The following MED25 variants were observed in gnomAD, a reference collection of about 807,000 sequenced individuals.
MED25 encodes mediator complex subunit 25, also known as mediator of RNA polymerase II transcription subunit 25.
MED25 carries 62 observed loss-of-function variants against 89.4 expected under a neutral mutation model. The observed-to-expected ratio is 0.69, with a 90% CI of 0.57 to 0.86. The LOEUF (loss-of-function observed/expected upper bound fraction) is 0.86, where lower values mean the gene tolerates loss of function less well. Ranked by LOEUF, MED25 falls within the 40% of genes least tolerant of loss-of-function variation. The pLI is 0.00. For synonymous variants in MED25, 449 were observed against 427.9 expected (o/e 1.05, Z -0.61); for missense variants, 905 against 1,005.2 (o/e 0.90, Z 1.35).
In MED25 at chr19:49,832,098, A is replaced by G. The variant is rs2074062110; in HGVS notation, c.1317-2A>G. 1.2e-6 allele frequency: 2 copies of G among 1,613,512 alleles called. No individual in the cohort carries two copies. Among genetic ancestry groups the G allele is most frequent in the African/African-American group, 1.3e-5 (1 of 74,992 alleles). On this transcript the variant is annotated splice_acceptor_variant, in intron 11 of 17. Coordinates refer to ENST00000312865, the MANE Select transcript of MED25 (RefSeq NM_030973.4). LOFTEE classifies it high-confidence loss of function. Reference sequence around the variant, plus strand: ...TCACACCTCTCCTGGCATCGCCCCCAGGAAGACGGAGCAGTGGCCCCAGAA... The same window carrying G: ...TCACACCTCTCCTGGCATCGCCCCCGGGAAGACGGAGCAGTGGCCCCAGAA...
intron 3 of MED25, chr19:49,819,539 T>G: frequency 3.9e-6 from 2 of 507,048 alleles, no homozygotes; most frequent in Non-Finnish European, 3.6e-6. Context: ...CATTAAGGGA[T>G]TGAAAGGACT....
chr19:49,819,397 A>G (rs371209072), intron 3 of MED25, 101 bp downstream of exon 3: 28,604 of 429,386 alleles, frequency 0.067, 144 homozygotes, highest in Non-Finnish European at 0.075. Flanking sequence ...GGCTGTGAAT[A>G]AGTGATGGCT....
rs890428247 is a variant in MED25, at chr19:49,831,591, G to C, written c.1230+130G>C. ...TGGAGGCATTCGTTGCGCTGGACCTGTGGGATGCGGGGCGAGGCCAGGAGC... is the reference window on the plus strand; with the variant it reads ...TGGAGGCATTCGTTGCGCTGGACCTCTGGGATGCGGGGCGAGGCCAGGAGC... On this transcript the variant is annotated intron_variant, in intron 10 of 17. Transcript: ENST00000312865. The surrounding 1 kb of genome is among the most constrained non-coding windows in gnomAD (Gnocchi z 5.0). 6 of 1,225,560 alleles carry C rather than the reference G, an allele frequency of 4.9e-6. No homozygotes were observed. In the Admixed American group the frequency reaches 1.0e-4, roughly 21 times the overall value. The allele number at this position is 1,225,560 out of a possible 1,614,324, so 75.9% of individuals were successfully genotyped here.
chr19:49,835,310 C>A lies in MED25; in HGVS notation c.1674+133C>A. On this transcript the variant is annotated intron_variant, in intron 14 of 17. Coordinates refer to ENST00000312865, the MANE Select transcript of MED25 (RefSeq NM_030973.4). The surrounding 1 kb of genome is among the most constrained non-coding windows in gnomAD (Gnocchi z 6.2). ...TGGTGCCTCCAAGCTAAGTCCCACT[C>A]AGATTTTCTTGCAGTCTCTCTCCTT... 9.1e-7 allele frequency: 1 copy of A among 1,099,340 alleles called. No individual in the cohort carries two copies. The allele number at this position is 1,099,340 out of a possible 1,614,324, so 68.1% of individuals were successfully genotyped here.
rs1391546620 is a variant in MED25, at chr19:49,831,766, G to A, written c.1231-170G>A. Among the ~76,000 whole-genome samples the A allele has an allele frequency of 6.6e-6, 1 of 152,098 alleles. No homozygotes were observed. Among genetic ancestry groups the A allele is most frequent in the Non-Finnish European group, 1.5e-5 (1 of 68,008 alleles). On this transcript the variant is annotated intron_variant, in intron 10 of 17. Coordinates refer to ENST00000312865, the MANE Select transcript of MED25 (RefSeq NM_030973.4). This position sits in a 1 kb window ranked among gnomAD's most constrained non-coding sequence, Gnocchi z 5.0. ...GGATTTAGGGGCCGGGCACGTAGCTGTAACATTTGAGGAACTGAAGGCTTG... is the reference window on the plus strand; with the variant it reads ...GGATTTAGGGGCCGGGCACGTAGCTATAACATTTGAGGAACTGAAGGCTTG...
chr19:49,836,544 G>A lies in MED25; in HGVS notation c.2146+138G>A. Reference sequence around the variant, plus strand: ...AGGGTTCCCCCATGGCCTTTGCGGAGCTCTGAGGGCTCCGGGAAAGTACAG... The same window carrying A: ...AGGGTTCCCCCATGGCCTTTGCGGAACTCTGAGGGCTCCGGGAAAGTACAG... On this transcript the variant is annotated intron_variant, in intron 17 of 17. Transcript: ENST00000312865. The surrounding 1 kb of genome is among the most constrained non-coding windows in gnomAD (Gnocchi z 5.1). The A allele has an allele frequency of 2.7e-6, 3 of 1,091,078 alleles. No individual in the cohort carries two copies. Among genetic ancestry groups the A allele is most frequent in the African/African-American group, 1.6e-5 (1 of 64,394 alleles). The allele number at this position is 1,091,078 out of a possible 1,614,324, so 67.6% of individuals were successfully genotyped here. A position where few individuals can be genotyped will look rare whatever the true frequency, so the allele number is the denominator to read the frequency against.
At chr19:49,827,132 CAG>C (rs1432617830) in intron 3 of MED25, among the ~76,000 whole-genome samples, 1 of 152,140 alleles carries the variant, frequency 6.6e-6, no homozygotes, top group African/African-American at 2.4e-5. Flanking sequence ...TCAAGACCCT[CAG>C]AGGGGTGCTC....
In MED25 at chr19:49,835,986, G is replaced by A; in HGVS notation, c.1965+41G>A. 1.2e-6 allele frequency: 2 copies of A among 1,607,784 alleles called. No individual in the cohort carries two copies. Among genetic ancestry groups the A allele is most frequent in the South Asian group, 2.2e-5 (2 of 90,328 alleles). On this transcript the variant is annotated intron_variant, in intron 16 of 17. Coordinates refer to ENST00000312865, the MANE Select transcript of MED25 (RefSeq NM_030973.4). This position sits in a 1 kb window ranked among gnomAD's most constrained non-coding sequence, Gnocchi z 6.2. ...GGGGTAGCGAGAGTTCCAGATCCTG[G>A]CCCTGGTGGTTCTGGTCCTGTTGTC...
At chr19:49,823,412 T>C (rs1324474163) in intron 3 of MED25, among the ~76,000 whole-genome samples, 1 of 152,088 alleles carries the variant, frequency 6.6e-6, no homozygotes, top group Non-Finnish European at 1.5e-5. Flanking sequence ...GTTTGGAGAA[T>C]TAAGTTAGTT....
chr19:49,836,279 A>C lies in MED25; in HGVS notation c.2019A>C (p.Pro673=). The part of the protein sequence containing the change: ...PQASLHHLQP[P]GAPALLPPPH... ...CCTCCCTCCACCACCTCCAGCCACC[A>C]GGGGCTCCTGCGCTGCTGCCTCCGC... Residue 673 remains proline (P), a synonymous_variant, in exon 17 of 18, where the codon CCA becomes CCC. Transcript: ENST00000312865. This position sits in a 1 kb window ranked among gnomAD's most constrained non-coding sequence, Gnocchi z 5.1. 6.2e-7 allele frequency: 1 copy of C among 1,612,278 alleles called. No homozygotes were observed. Among genetic ancestry groups the C allele is most frequent in the Middle Eastern group, 1.7e-4 (1 of 6,028 alleles).
chr19:49,834,924 GA>G lies in MED25; in HGVS notation c.1483-61del. The G allele has an allele frequency of 6.4e-7, 1 of 1,566,118 alleles. No homozygotes were observed. The highest frequency in any genetic ancestry group is 8.8e-7 in the Non-Finnish European group (1 of 1,139,310). ...GGCCTCTAGAGCCTTCTGGAATGGG[GA>G]GGGGGTCAGGGCTGCCTCTTTCAGG... is the stretch of plus-strand genomic sequence containing the variant. On this transcript the variant is annotated intron_variant, in intron 13 of 17. Coordinates refer to ENST00000312865, the MANE Select transcript of MED25 (RefSeq NM_030973.4). The surrounding 1 kb of genome is among the most constrained non-coding windows in gnomAD (Gnocchi z 4.1).
intron 3 of MED25, among the ~76,000 whole-genome samples, chr19:49,820,737 A>AT (rs1367648059): frequency 6.6e-6 from 1 of 151,872 alleles, no homozygotes; most frequent in African/African-American, 2.4e-5. Context: ...TCTCTTTTTA[A>AT]TTTTTTTTCT....
chr19:49,838,348 C>T, downstream of MED25: 1 of 350,908 alleles, frequency 2.8e-6, no homozygotes, highest in Non-Finnish European at 5.6e-6. Flanking sequence ...TTTGACAAGT[C>T]AGAAGAATTG....
In MED25 at chr19:49,836,582, A is replaced by G. The variant is rs2074100131; in HGVS notation, c.2146+176A>G. The G allele has an allele frequency of 6.1e-6, 5 of 819,528 alleles. No individual in the cohort carries two copies. In the East Asian group the frequency reaches 1.3e-4, roughly 22 times the overall value. 50.8% of individuals were successfully genotyped at this position (819,528 alleles called of 1,614,324 possible). On this transcript the variant is annotated intron_variant, in intron 17 of 17. Coordinates refer to ENST00000312865, the MANE Select transcript of MED25 (RefSeq NM_030973.4). The surrounding 1 kb of genome is among the most constrained non-coding windows in gnomAD (Gnocchi z 5.1). Reference sequence around the variant, plus strand: ...CGGGAAAGTACAGCCCATGGGTCCAAGGACCTAGTGGGTTAAGAGCGTTTC... The same window carrying G: ...CGGGAAAGTACAGCCCATGGGTCCAGGGACCTAGTGGGTTAAGAGCGTTTC...
At chr19:49,832,065 C>T (rs761751386) in intron 11 of MED25, 35 bp from the exon 12 acceptor site, 71 of 1,613,302 alleles carry the variant, frequency 4.4e-5, no homozygotes, top group Admixed American at 1.7e-5. Context: ...CTGGGGCTGG[C>T]CCCCTCCTCA....
rs1056532974 is a variant in MED25, at chr19:49,830,733, T to G, written c.947T>G (p.Val316Gly). The G allele has an allele frequency of 3.1e-6, 5 of 1,613,542 alleles. No individual in the cohort carries two copies. In the African/African-American group the frequency reaches 5.4e-5, roughly 17 times the overall value. ...CCTCTCCAACAAGCTGCTCCCGGAG[T>G]GGGTCCCCCCTTCAGCCAGGCCCCA... ...ITPLQQAAPGVGPPFSQAPAP... is the reference protein window; with the variant it reads ...ITPLQQAAPGGGPPFSQAPAP... Residue 316 changes from valine to glycine, a missense_variant, in exon 9 of 18, where the codon GTG becomes GGG. By Grantham distance (109) the Val-to-Gly change is moderately radical. This residue lies in a region of MED25 where 501 missense variants were observed against 526.9 expected (regional missense o/e 0.95). Transcript: ENST00000312865. The surrounding 1 kb of genome is among the most constrained non-coding windows in gnomAD (Gnocchi z 4.6).
rs2074059150 is a variant in MED25, at chr19:49,831,751, G to T, written c.1231-185G>T. On this transcript the variant is annotated intron_variant, in intron 10 of 17. Coordinates refer to ENST00000312865, the MANE Select transcript of MED25 (RefSeq NM_030973.4). The surrounding 1 kb of genome is among the most constrained non-coding windows in gnomAD (Gnocchi z 5.0). ...GCACAGTGGATGGTGGGATTTAGGG[G>T]CCGGGCACGTAGCTGTAACATTTGA... Among the ~76,000 whole-genome samples, 2 of 152,038 alleles carry T rather than the reference G, an allele frequency of 1.3e-5. No individual in the cohort carries two copies. Among genetic ancestry groups the T allele is most frequent in the Admixed American group, 6.6e-5 (1 of 15,260 alleles).
downstream of MED25, chr19:49,840,372 C>T (rs956795660): frequency 2.0e-5 from 3 of 152,062 alleles, no homozygotes; most frequent in Non-Finnish European, 2.9e-5. Context: ...AGTAAAGATC[C>T]GATTTGATGA....
In MED25 at chr19:49,829,977, G is replaced by C. The variant is rs1017952818; in HGVS notation, c.688+29G>C. 1 of 1,602,130 alleles carries C rather than the reference G, an allele frequency of 6.2e-7. No individual in the cohort carries two copies. The highest frequency in any genetic ancestry group is 1.1e-5 in the South Asian group (1 of 90,770). On this transcript the variant is annotated intron_variant, in intron 6 of 17. Transcript: ENST00000312865. The surrounding 1 kb of genome is among the most constrained non-coding windows in gnomAD (Gnocchi z 4.6). ...AGGCCTGGGCACCGTGCGCGGGGAT[G>C]GGGGCTCGACGTGTTTCCCCAGCTC...
Sources: allele counts gnomAD v4.1 joint callset (sites outside exome capture counted in the v4.1 genomes callset), GRCh38; gene constraint gnomAD v4.1.1; regional missense constraint gnomAD v4.1.1; non-coding constraint Gnocchi (gnomAD v3.1); transcripts MANE v1.5; gene names NCBI Gene and HGNC (gene_info 2026-07-23, HGNC 2026-07-21).